Variants in ASGR2 observed in about 807,000 individuals in gnomAD.
ASGR2 encodes the protein asialoglycoprotein receptor 2, also known as C-type lectin domain family 4 member H2.
ASGR2 carries 34 observed loss-of-function variants against 32.3 expected under a neutral mutation model. The observed-to-expected ratio is 1.05, with a 90% CI of 0.80 to 1.40. The LOEUF is 1.40. Among genes scored for constraint, ASGR2 ranks in the 40% most tolerant of loss-of-function variants. ASGR2 has a pLI of 0.00. For synonymous variants in ASGR2, 143 were observed against 150.0 expected (o/e 0.95, Z 0.34); for missense variants, 385 against 386.4 (o/e 1.00, Z 0.03).
In ASGR2 at chr17:7,114,113, T is replaced by C; in HGVS notation, c.124+4A>G. 1.2e-6 allele frequency: 2 copies of C among 1,614,148 alleles called. No individual in the cohort carries two copies. The highest frequency in any genetic ancestry group is 1.7e-6 in the Non-Finnish European group (2 of 1,180,018). Reference sequence around the variant, plus strand: ...GAGCAAAGCCGCAGAAACTGCACACTTGCCTTTCAAAAATGGATTTCCTCT... The same window carrying C: ...GAGCAAAGCCGCAGAAACTGCACACCTGCCTTTCAAAAATGGATTTCCTCT... On this transcript the variant is annotated splice_donor_region_variant and intron_variant, in intron 2 of 8. Coordinates refer to ENST00000691900, the MANE Select transcript of ASGR2 (RefSeq NM_001201352.2). This position sits in a 1 kb window ranked among gnomAD's most constrained non-coding sequence, Gnocchi z 4.5.
chr17:7,108,811 T>C lies in ASGR2; in HGVS notation c.202A>G (p.Ile68Val). The change falls in exon 3 of 9, where the codon ATC becomes GTC. Residue 68 changes from isoleucine to valine, a missense_variant. Ile to Val is a conservative substitution (Grantham distance 29). Coordinates refer to ENST00000691900, the MANE Select transcript of ASGR2 (RefSeq NM_001201352.2). This position sits in a 1 kb window ranked among gnomAD's most constrained non-coding sequence, Gnocchi z 4.9. The part of the protein sequence containing the change: ...CFSLLALSFN[I>V]LLLVVICVTG... ...ACACAGATGACCACCAGCAGCAGGA[T>C]GTTGAAGCTCAGGGCAAGCAGACTG... The C allele has an allele frequency of 6.2e-7, 1 of 1,613,814 alleles. No homozygotes were observed. Among genetic ancestry groups the C allele is most frequent in the Non-Finnish European group, 8.5e-7 (1 of 1,179,936 alleles).
At chr17:7,111,632 G>A (rs1260213929) in intron 2 of ASGR2, among the ~76,000 whole-genome samples, 1 of 150,552 alleles carries the variant, frequency 6.6e-6, no homozygotes, top group African/African-American at 2.5e-5. Context: ...CTCCGGCCTG[G>A]GCAACAGAGC....
chr17:7,107,668 G>A lies in ASGR2; in HGVS notation c.409+168C>T, dbSNP rs896915722. On this transcript the variant is annotated intron_variant, in intron 5 of 8. Coordinates refer to ENST00000691900, the MANE Select transcript of ASGR2 (RefSeq NM_001201352.2). The surrounding 1 kb of genome is among the most constrained non-coding windows in gnomAD (Gnocchi z 5.0). Reference sequence around the variant, plus strand: ...CACTACACACCACACACAGATCCATGACATATCACACCACACATACGGAGA... The same window carrying A: ...CACTACACACCACACACAGATCCATAACATATCACACCACACATACGGAGA... The A allele has an allele frequency of 2.3e-6, 2 of 859,072 alleles. No individual in the cohort carries two copies. The highest frequency in any genetic ancestry group is 3.7e-6 in the Non-Finnish European group (2 of 542,808). 53.2% of individuals were successfully genotyped at this position (859,072 alleles called of 1,614,324 possible).
At chr17:7,106,949 A>G (rs560361848) in intron 7 of ASGR2, 51 bp downstream of exon 7, 2 of 1,600,876 alleles carry the variant, frequency 1.2e-6, no homozygotes, top group East Asian at 4.5e-5. Flanking sequence ...CCAGCCTCCC[A>G]GAGCAGGCCT....
At chr17:7,115,141 AC>A, upstream of ASGR2, 1 of 423,080 alleles carries the variant, frequency 2.4e-6, no homozygotes, top group Non-Finnish European at 3.2e-6. The surrounding 1 kb of genome is among the most constrained non-coding windows in gnomAD (Gnocchi z 4.2). Flanking sequence ...TGAACCACAG[AC>A]CCCAGCTTCC....
At chr17:7,103,027 G>A (rs1913081287) in intron 7 of ASGR2, among the ~76,000 whole-genome samples, 2 of 152,100 alleles carry the variant, frequency 1.3e-5, no homozygotes, top group African/African-American at 4.8e-5. Context: ...AGCTGTTCCT[G>A]GGGACCTAGG....
intron 2 of ASGR2, 122 bp from the exon 3 acceptor site, chr17:7,109,010 G>A (rs570064181): frequency 3.5e-6 from 3 of 854,384 alleles, no homozygotes; most frequent in Non-Finnish European, 5.4e-6. Flanking sequence ...CCATGGGGGG[G>A]GGTCATCATA....
Position 7,108,587 on chromosome 17 carries a change from G to C in ASGR2, c.242-30C>G. ...TCAGGTGGTAGTGGGGGCAGGATGA[G>C]GCAGAGGGGCCGTGTCCCCATCACT... On this transcript the variant is annotated intron_variant, in intron 3 of 8. Coordinates refer to ENST00000691900, the MANE Select transcript of ASGR2 (RefSeq NM_001201352.2). The surrounding 1 kb of genome is among the most constrained non-coding windows in gnomAD (Gnocchi z 4.9). The C allele has an allele frequency of 6.2e-7, 1 of 1,605,140 alleles. No individual in the cohort carries two copies. Among genetic ancestry groups the C allele is most frequent in the Non-Finnish European group, 8.5e-7 (1 of 1,176,204 alleles).
At position 7,108,314 on chromosome 17, in the gene ASGR2, T is replaced by A. The variant is rs1914131539; in HGVS notation, c.337+148A>T. 8 of 802,110 alleles carry A rather than the reference T, an allele frequency of 1.0e-5. No individual in the cohort carries two copies. The highest frequency in any genetic ancestry group is 7.2e-5 in the South Asian group (4 of 55,370). 49.7% of individuals were successfully genotyped at this position (802,110 alleles called of 1,614,324 possible). On this transcript the variant is annotated intron_variant, in intron 4 of 8. Coordinates refer to ENST00000691900, the MANE Select transcript of ASGR2 (RefSeq NM_001201352.2). This position sits in a 1 kb window ranked among gnomAD's most constrained non-coding sequence, Gnocchi z 4.9. ...GGCACTAACCTCGTCCGTCCCCACC[T>A]GCCTCCCTCCTATACATCCCCCAGG...
rs1194887111 is a variant in ASGR2, at chr17:7,114,232, C to T, written c.9G>A (p.Lys3=). The change falls in exon 2 of 9, where the codon AAG becomes AAA. Residue 3 remains lysine, a synonymous_variant. Transcript: ENST00000691900. This position sits in a 1 kb window ranked among gnomAD's most constrained non-coding sequence, Gnocchi z 4.5. ...TCAGCTGCTGGATATCTTGAAAGTC[C>T]TTGGCCATGATGGGGCCCGGGCTGG... The part of the protein sequence containing the change: MA[K]DFQDIQQLSS... 2.5e-6 allele frequency: 4 copies of T among 1,613,920 alleles called. No homozygotes were observed. Among genetic ancestry groups the T allele is most frequent in the Non-Finnish European group, 3.4e-6 (4 of 1,180,024 alleles).
Position 7,108,001 on chromosome 17 carries a change from C to G in ASGR2, c.338-94G>C. 1.4e-6 allele frequency: 2 copies of G among 1,429,360 alleles called. No homozygotes were observed. The highest frequency in any genetic ancestry group is 1.9e-6 in the Non-Finnish European group (2 of 1,045,778). 88.5% of individuals were successfully genotyped at this position (1,429,360 alleles called of 1,614,324 possible). ...GGCCAGCGCCTCGTCCTGGGCGATG[C>G]AGGCGTCCACCTCCTGGCTTCCTGG... On this transcript the variant is annotated intron_variant, in intron 4 of 8. Coordinates refer to ENST00000691900, the MANE Select transcript of ASGR2 (RefSeq NM_001201352.2). The surrounding 1 kb of genome is among the most constrained non-coding windows in gnomAD (Gnocchi z 4.9).
At chr17:7,110,060 A>G (rs536840932) in intron 2 of ASGR2, among the ~76,000 whole-genome samples, 9 of 152,148 alleles carry the variant, frequency 5.9e-5, no homozygotes, top group Non-Finnish European at 1.2e-4. Context: ...CAGCAGGACC[A>G]CATCCTGGGG....
chr17:7,108,496 G>C lies in ASGR2; in HGVS notation c.303C>G (p.Ser101Arg). The C allele has an allele frequency of 1.2e-6, 2 of 1,609,074 alleles. No individual in the cohort carries two copies. The highest frequency in any genetic ancestry group is 1.7e-6 in the Non-Finnish European group (2 of 1,177,924). The change falls in exon 4 of 9, where the codon AGC becomes AGG. Residue 101 changes from serine (S) to arginine (R), a missense_variant. By Grantham distance (110) the Ser-to-Arg change is moderately radical (BLOSUM62 -1). Coordinates refer to ENST00000691900, the MANE Select transcript of ASGR2 (RefSeq NM_001201352.2). The surrounding 1 kb of genome is among the most constrained non-coding windows in gnomAD (Gnocchi z 4.9). ...TGATTGCCTGGACCTCCGTCAGGGT[G>C]CTCGAGGAGAAGTTGCTGAAAGCTT... ...LKEAFSNFSS[S>R]TLTEVQAIST...
chr17:7,108,357 C>G lies in ASGR2; in HGVS notation c.337+105G>C. 1 of 1,275,182 alleles carries G rather than the reference C, an allele frequency of 7.8e-7. No homozygotes were observed. 79.0% of individuals were successfully genotyped at this position (1,275,182 alleles called of 1,614,324 possible). A position where few individuals can be genotyped will look rare whatever the true frequency, so the allele number is the denominator to read the frequency against. On this transcript the variant is annotated intron_variant, in intron 4 of 8. Transcript: ENST00000691900. This position sits in a 1 kb window ranked among gnomAD's most constrained non-coding sequence, Gnocchi z 4.9. ...CCCCCAGGGCCCCTGGACGCCTTGC[C>G]CAGCCTGCACCCCCACGGCACCCCA... is the stretch of plus-strand genomic sequence containing the variant.
At position 7,113,562 on chromosome 17, in the gene ASGR2, A is replaced by G. The variant is rs1915049873; in HGVS notation, c.124+555T>C. On this transcript the variant is annotated intron_variant, in intron 2 of 8. Coordinates refer to ENST00000691900, the MANE Select transcript of ASGR2 (RefSeq NM_001201352.2). The surrounding 1 kb of genome is among the most constrained non-coding windows in gnomAD (Gnocchi z 5.1). ...CATACACAACATACATACACACAAC[A>G]TACACACAACATACACACACTCACA... Among the ~76,000 whole-genome samples the G allele has an allele frequency of 7.0e-6, 1 of 142,404 alleles. No homozygotes were observed. 93.4% of individuals were successfully genotyped at this position (142,404 alleles called of 152,430 possible).
At position 7,107,133 on chromosome 17, in the gene ASGR2, C is replaced by A. The variant is rs144935325; in HGVS notation, c.515G>T (p.Cys172Phe). ...TTGGTGCTCCACCCAGTTGACGGGGCAGCAGGTCCTTTGGGAGCCTGAGGG... is the reference window on the plus strand; with the variant it reads ...TTGGTGCTCCACCCAGTTGACGGGGAAGCAGGTCCTTTGGGAGCCTGAGGG... ...LHSNGSQRTC[C>F]PVNWVEHQGS... The change falls in exon 7 of 9, where the codon TGC becomes TTC. Residue 172 changes from cysteine to phenylalanine, a missense_variant. Cys to Phe is a radical substitution (Grantham distance 205). Transcript: ENST00000691900. This position sits in a 1 kb window ranked among gnomAD's most constrained non-coding sequence, Gnocchi z 5.0. 12 of 1,614,066 alleles carry A rather than the reference C, an allele frequency of 7.4e-6. No homozygotes were observed. The highest frequency in any genetic ancestry group is 1.0e-5 in the Non-Finnish European group (12 of 1,180,032).
intron 7 of ASGR2, among the ~76,000 whole-genome samples, chr17:7,104,932 C>T (rs911993504): frequency 3.6e-4 from 53 of 145,716 alleles, no homozygotes; most frequent in Admixed American, 1.6e-3. Context: ...GCCAAGATCG[C>T]GCCATTGCAC....
rs1263574138 is a variant in ASGR2, at chr17:7,114,023, G to A, written c.124+94C>T. On this transcript the variant is annotated intron_variant, in intron 2 of 8. Coordinates refer to ENST00000691900, the MANE Select transcript of ASGR2 (RefSeq NM_001201352.2). The surrounding 1 kb of genome is among the most constrained non-coding windows in gnomAD (Gnocchi z 4.5). Reference sequence around the variant, plus strand: ...GGGTGTCGGGCCCTCCTCAGTCCCTGTTCACAGAGTGGGTGCGGCAGAGAC... The same window carrying A: ...GGGTGTCGGGCCCTCCTCAGTCCCTATTCACAGAGTGGGTGCGGCAGAGAC... The A allele has an allele frequency of 3.9e-6, 6 of 1,555,928 alleles. No homozygotes were observed. Among genetic ancestry groups the A allele is most frequent in the African/African-American group, 1.3e-5 (1 of 74,108 alleles).
At position 7,113,965 on chromosome 17, in the gene ASGR2, G is replaced by A. The variant is rs1051131319; in HGVS notation, c.124+152C>T. The stretch of plus-strand genomic sequence containing the variant: ...CACATGCCTTTCCTGGGGTCCTGGG[G>A]TAGACAGGAAGGTGAGGTGAGGGAA... On this transcript the variant is annotated intron_variant, in intron 2 of 8. Transcript: ENST00000691900. The surrounding 1 kb of genome is among the most constrained non-coding windows in gnomAD (Gnocchi z 5.1). 1.2e-5 allele frequency: 15 copies of A among 1,218,998 alleles called. No individual in the cohort carries two copies. Among genetic ancestry groups the A allele is most frequent in the Admixed American group, 2.4e-5 (1 of 40,934 alleles). 75.5% of individuals were successfully genotyped at this position (1,218,998 alleles called of 1,614,324 possible). A position where few individuals can be genotyped will look rare whatever the true frequency, so the allele number is the denominator to read the frequency against.
Sources: allele counts gnomAD v4.1 joint callset (sites outside exome capture counted in the v4.1 genomes callset), GRCh38; gene constraint gnomAD v4.1.1; non-coding constraint Gnocchi (gnomAD v3.1); transcripts MANE v1.5; gene names NCBI Gene and HGNC (gene_info 2026-07-23, HGNC 2026-07-21).